The following WWOX variants were observed in gnomAD, a reference collection of about 807,000 sequenced individuals.
WWOX encodes the protein WW domain containing oxidoreductase, also known as WW domain-containing oxidoreductase.
A neutral mutation model predicts 46.2 loss-of-function variants in WWOX; 69 were observed. That is an observed-to-expected ratio of 1.49 (90% CI 1.23 to 1.82). WWOX has a LOEUF of 1.82. Ranked by LOEUF, WWOX falls within the 40% of genes most tolerant of loss-of-function variation. The pLI is 0.00. For missense variants in WWOX, 919 were observed against 542.6 expected (o/e 1.69, Z -6.89); for synonymous variants, 359 against 202.6 (o/e 1.77, Z -6.56).
At chr16:78,126,693 C>G (rs2033376176) in intron 4 of WWOX, among the ~76,000 whole-genome samples, 2 of 152,198 alleles carry the variant, frequency 1.3e-5, no homozygotes, top group African/African-American at 4.8e-5. Context: ...CAGTTTGCTT[C>G]ACTAAAATCT....
At chr16:78,618,982 C>T (rs1176962981) in intron 8 of WWOX, among the ~76,000 whole-genome samples, 9 of 149,424 alleles carry the variant, frequency 6.0e-5, no homozygotes, top group Admixed American at 5.4e-4. Context: ...AATTTCTGGG[C>T]AAAGTTTCCT....
chr16:79,103,094 T>G (rs1397317067), intron 8 of WWOX, among the ~76,000 whole-genome samples: 1 of 152,106 alleles, frequency 6.6e-6, no homozygotes, highest in East Asian at 1.9e-4. Flanking sequence ...AAGGCAAATA[T>G]TCACCTAAGT....
chr16:79,061,144 G>T (rs1263805540), intron 8 of WWOX, among the ~76,000 whole-genome samples: 1 of 152,158 alleles, frequency 6.6e-6, no homozygotes, highest in African/African-American at 2.4e-5. Context: ...AATCCTTTAT[G>T]TTGAGGGAGA....
At chr16:78,784,134 T>C (rs1047407996) in intron 8 of WWOX, among the ~76,000 whole-genome samples, 14 of 152,188 alleles carry the variant, frequency 9.2e-5, no homozygotes, top group South Asian at 2.1e-4. Flanking sequence ...ACCAAATTCT[T>C]ATAACAACCC....
intron 8 of WWOX, among the ~76,000 whole-genome samples, chr16:79,021,821 C>G (rs192501372): frequency 2.4e-4 from 36 of 152,314 alleles, no homozygotes; most frequent in South Asian, 2.1e-4. Context: ...TCTGCACTAG[C>G]TTGTAGCTTG....
intron 8 of WWOX, among the ~76,000 whole-genome samples, chr16:79,184,465 G>C (rs1567604198): frequency 1.3e-5 from 2 of 152,166 alleles, no homozygotes; most frequent in Admixed American, 6.6e-5. Context: ...GTATGTTTCT[G>C]TTGTCTTTGC....
chr16:79,167,653 G>A (rs531538878), intron 8 of WWOX, among the ~76,000 whole-genome samples: 441 of 152,298 alleles, frequency 2.9e-3, no homozygotes, highest in Non-Finnish European at 4.9e-3. Context: ...AGTCAAATAA[G>A]ACAGAGATGA....
Position 79,073,242 on chromosome 16 carries a change from C to T in WWOX, c.1057-138366C>T, listed in dbSNP as rs191708309. ...TTGCCCAGGCTGGAGTGAAATGGCA[C>T]GATCGCAGCTCACTGCGACCTCCAC... On this transcript the variant is annotated intron_variant, in intron 8 of 8. Coordinates refer to ENST00000566780, the MANE Select transcript of WWOX (RefSeq NM_016373.4). Among the ~76,000 whole-genome samples the T allele has an allele frequency of 5.2e-4, 79 of 151,632 alleles. 1 individual carries two copies. The highest frequency in any genetic ancestry group is 1.7e-3 in the African/African-American group (72 of 41,370).
chr16:79,029,241 C>G (rs1012713545), intron 8 of WWOX, among the ~76,000 whole-genome samples: 1 of 152,170 alleles, frequency 6.6e-6, no homozygotes, highest in Non-Finnish European at 1.5e-5. Flanking sequence ...TGGGCCTACT[C>G]AGTTCCACGT....
At chr16:78,762,669 T>C (rs541994838) in intron 8 of WWOX, among the ~76,000 whole-genome samples, 148 of 152,228 alleles carry the variant, frequency 9.7e-4, no homozygotes, top group Non-Finnish European at 1.2e-3. Context: ...CCTAAGCTAA[T>C]TGGGAGGCAG....
rs185860059 is a variant in WWOX at position 78,445,104 on chromosome 16, G to A, written c.1056+12352G>A. Among the ~76,000 whole-genome samples the A allele has an allele frequency of 1.2e-4, 18 of 152,250 alleles. 1 individual carries two copies. The East Asian group carries it at 3.3e-3, about 28-fold the overall frequency. On this transcript the variant is annotated intron_variant, in intron 8 of 8. Coordinates refer to ENST00000566780, the MANE Select transcript of WWOX (RefSeq NM_016373.4). The stretch of plus-strand genomic sequence containing the variant: ...CTGTGAAATGCAGACCTTTCTGGAC[G>A]TACCACCTCGTGGGGTGAAGGGAAA...
chr16:78,636,833 G>T (rs145190052), intron 8 of WWOX, among the ~76,000 whole-genome samples: 141 of 152,286 alleles, frequency 9.3e-4, no homozygotes, highest in Middle Eastern at 3.4e-3. Context: ...TGCTCCTTCA[G>T]ATACGCTCTT....
chr16:79,066,184 C>G (rs939599542), intron 8 of WWOX, among the ~76,000 whole-genome samples: 1 of 152,158 alleles, frequency 6.6e-6, no homozygotes, highest in African/African-American at 2.4e-5. Flanking sequence ...TAAATCACTC[C>G]CCTCCCTCCA....
At chr16:79,002,839 A>C (rs12929415) in intron 8 of WWOX, among the ~76,000 whole-genome samples, 39,082 of 152,060 alleles carry the variant, frequency 0.26, 5,599 homozygotes, top group East Asian at 0.56. Context: ...AAGTTATACT[A>C]CCTCTTCGAG....
At chr16:78,359,846 A>G (rs971570321) in intron 5 of WWOX, among the ~76,000 whole-genome samples, 2 of 152,172 alleles carry the variant, frequency 1.3e-5, no homozygotes, top group East Asian at 1.9e-4. Flanking sequence ...AGAGGTGACT[A>G]TGGACTTAAT....
chr16:79,209,671 C>T (rs74742435), intron 8 of WWOX, among the ~76,000 whole-genome samples: 2,430 of 152,218 alleles, frequency 0.016, 51 homozygotes, highest in African/African-American at 0.044. Flanking sequence ...CCATCTCCAC[C>T]AGAACTCTAA....
chr16:78,433,636 A>G (rs1231242643), intron 8 of WWOX, among the ~76,000 whole-genome samples: 2 of 152,154 alleles, frequency 1.3e-5, no homozygotes, highest in African/African-American at 4.8e-5. Context: ...GATATTAATA[A>G]AACAAAGCAA....
chr16:78,807,163 A>G (rs1392779807), intron 8 of WWOX, among the ~76,000 whole-genome samples: 1 of 152,218 alleles, frequency 6.6e-6, no homozygotes, highest in Non-Finnish European at 1.5e-5. Flanking sequence ...GCCATTATTT[A>G]GGTTTCTTGT....
chr16:78,405,676 G>A (rs758709175), intron 6 of WWOX, among the ~76,000 whole-genome samples: 3 of 152,282 alleles, frequency 2.0e-5, no homozygotes, highest in East Asian at 3.9e-4. Flanking sequence ...AGTAGAATGA[G>A]CATTTGAGAA....
Sources: gnomAD v4.1 joint callset for allele counts (sites outside exome capture counted in the v4.1 genomes callset) on GRCh38, gnomAD v4.1.1 for gene constraint, MANE v1.5 for transcripts, NCBI Gene and HGNC (gene_info 2026-07-23, HGNC 2026-07-21) for gene names.